Variants in KMT2E observed in about 807,000 individuals in gnomAD.
KMT2E encodes histone reader KMT2E.
In KMT2E, 30 loss-of-function variants were observed where a neutral mutation model predicts 184.6. The observed-to-expected ratio is 0.16, with a 90% CI of 0.12 to 0.22. The LOEUF is 0.22. Ranked by LOEUF, KMT2E falls within the 10% of genes least tolerant of loss-of-function variation. The pLI, the probability that KMT2E is intolerant of heterozygous loss-of-function variation, is 1.00. For missense variants in KMT2E, 2,023 were observed against 2,237.4 expected, an observed-to-expected ratio of 0.90 and a Z score of 1.93; for synonymous variants, 815 against 776.5, an observed-to-expected ratio of 1.05 and a Z score of -0.82.
intron 13 of KMT2E, chr7:105,089,382 A>G: frequency 3.3e-6 from 1 of 301,218 alleles, no homozygotes; most frequent in South Asian, 2.5e-5. Context: ...TATTTTTAGT[A>G]GAGACGGGGT....
chr7:105,101,136 G>C (rs1195587962), intron 15 of KMT2E, among the ~76,000 whole-genome samples: 1 of 152,012 alleles, frequency 6.6e-6, no homozygotes, highest in East Asian at 1.9e-4. Context: ...GGTAAAACAA[G>C]GTAATTTTTG....
intron 15 of KMT2E, among the ~76,000 whole-genome samples, chr7:105,098,325 C>T (rs746644488): frequency 8.6e-5 from 13 of 151,532 alleles, no homozygotes; most frequent in Non-Finnish European, 1.6e-4. Flanking sequence ...CTGCAGCCTC[C>T]AACTCCTGGA....
rs561958152 is a variant in KMT2E, at chr7:105,016,658, A to T, written c.-189+2123A>T. Among the ~76,000 whole-genome samples, 7 of 152,304 alleles carry T rather than the reference A, an allele frequency of 4.6e-5. No individual in the cohort carries two copies. In the South Asian group the frequency reaches 1.5e-3, roughly 32 times the overall value. On this transcript the variant is annotated intron_variant, in intron 1 of 26. Transcript: ENST00000311117. ...TTTTTGGGTTGAACTAAGCAGTGAG[A>T]TGTGAGTGGGCCATTAATGACATTT... is the stretch of plus-strand genomic sequence containing the variant.
intron 3 of KMT2E, among the ~76,000 whole-genome samples, chr7:105,049,443 C>CA (rs772840459): frequency 0.013 from 1,687 of 126,660 alleles, 15 homozygotes; most frequent in African/African-American, 0.021. Flanking sequence ...GACCTTGTCT[C>CA]AAAAAAAAAA....
chr7:105,109,321 G>C, intron 23 of KMT2E, 93 bp downstream of exon 23: 1 of 1,259,056 alleles, frequency 7.9e-7, no homozygotes, highest in Non-Finnish European at 1.1e-6. Context: ...TAAGCTGATA[G>C]TGCTTCGTGG....
At chr7:105,054,530 A>G (rs939253754) in intron 3 of KMT2E, among the ~76,000 whole-genome samples, 1 of 150,026 alleles carries the variant, frequency 6.7e-6, no homozygotes, top group African/African-American at 2.5e-5. Flanking sequence ...CTGTCTGTCT[A>G]TTTGAGATGG....
At chr7:105,061,845 C>CT (rs1796826743) in intron 3 of KMT2E, 1 of 199,530 alleles carries the variant, frequency 5.0e-6, no homozygotes, top group South Asian at 1.4e-4. Flanking sequence ...TCTACTACTT[C>CT]TTTGCACCCC....
At chr7:105,107,958 T>A (rs1449658336) in intron 22 of KMT2E, 33 bp downstream of exon 22, 17 of 1,418,188 alleles carry the variant, frequency 1.2e-5, no homozygotes, top group South Asian at 7.3e-5. Context: ...GTCCTTTTAA[T>A]AGTTTTTTTT....
At chr7:105,073,050 G>GT (rs970337186) in intron 6 of KMT2E, among the ~76,000 whole-genome samples, 205 of 145,558 alleles carry the variant, frequency 1.4e-3, no homozygotes, top group East Asian at 3.8e-3. Context: ...AACATTATGG[G>GT]TTTTTTTTTT....
chr7:105,092,884 A>C (rs1224121947), intron 15 of KMT2E, among the ~76,000 whole-genome samples: 2 of 151,980 alleles, frequency 1.3e-5, no homozygotes, highest in African/African-American at 4.8e-5. Flanking sequence ...ACCACTTTGG[A>C]GAAAAAATGA....
chr7:105,035,553 A>G (rs1296025971), intron 1 of KMT2E, among the ~76,000 whole-genome samples: 1 of 150,274 alleles, frequency 6.7e-6, no homozygotes, highest in African/African-American at 2.5e-5. Context: ...TTGTTCCTTT[A>G]TATTGCTGAG....
At chr7:105,043,330 G>A (rs1584718097) in intron 3 of KMT2E, among the ~76,000 whole-genome samples, 3 of 148,598 alleles carry the variant, frequency 2.0e-5, no homozygotes, top group South Asian at 2.1e-4. Context: ...TCCGCCTCCC[G>A]GGTTCATGCC....
In KMT2E at chr7:105,093,124, G is replaced by C. The variant is rs549693755; in HGVS notation, c.1722+1810G>C. ...GCGGGAGGATCACTTGAGTCTAGGA[G>C]GTCAAGGCTGCACTGAGCTGTGATC... On this transcript the variant is annotated intron_variant, in intron 15 of 26. Coordinates refer to ENST00000311117, the MANE Select transcript of KMT2E (RefSeq NM_182931.3). Among the ~76,000 whole-genome samples the C allele has an allele frequency of 2.6e-5, 4 of 152,280 alleles. No homozygotes were observed. The East Asian group carries it at 7.7e-4, about 29-fold the overall frequency.
chr7:105,080,418 A>G (rs769594216), intron 12 of KMT2E, among the ~76,000 whole-genome samples: 27 of 151,572 alleles, frequency 1.8e-4, no homozygotes, highest in Non-Finnish European at 2.4e-4. Context: ...TCTTTTTTTA[A>G]AAGACAGGAT....
In KMT2E at chr7:105,031,135, T is replaced by A. The variant is rs537176166; in HGVS notation, c.-188-6991T>A. Among the ~76,000 whole-genome samples the A allele has an allele frequency of 5.9e-5, 9 of 151,698 alleles. No homozygotes were observed. In the South Asian group the frequency reaches 1.9e-3, roughly 32 times the overall value. On this transcript the variant is annotated intron_variant, in intron 1 of 26. Coordinates refer to ENST00000311117, the MANE Select transcript of KMT2E (RefSeq NM_182931.3). ...ACCTTGGGAGGCCAAGGTGGGTGGA[T>A]CACTTGAGGTCAGGAGATCGAAAAC...
chr7:105,023,159 A>G (rs1357993911), intron 1 of KMT2E, among the ~76,000 whole-genome samples: 1 of 152,070 alleles, frequency 6.6e-6, no homozygotes, highest in Admixed American at 6.6e-5. Flanking sequence ...CCAGCAGCTT[A>G]ATTTCTAAGG....
intron 13 of KMT2E, 151 bp from the exon 14 acceptor site, chr7:105,089,858 A>C: frequency 9.1e-7 from 1 of 1,100,100 alleles, no homozygotes; most frequent in Non-Finnish European, 1.3e-6. Flanking sequence ...TTTTTGTGGT[A>C]GTTAACTAGG....
chr7:105,114,858 T>C lies in KMT2E; in HGVS notation c.*1525T>C, dbSNP rs1799539497. On this transcript the variant is annotated 3_prime_UTR_variant, in exon 27 of 27. Coordinates refer to ENST00000311117, the MANE Select transcript of KMT2E (RefSeq NM_182931.3). ...CAGCTTCAAATTTTAGAAGAACATA[T>C]AGGCCAAGTTTGCCATCCTCAATTT... Among the ~76,000 whole-genome samples, 2 of 152,218 alleles carry C rather than the reference T, an allele frequency of 1.3e-5. No homozygotes were observed. Among genetic ancestry groups the C allele is most frequent in the South Asian group, 2.1e-4 (1 of 4,834 alleles).
At chr7:105,107,041 T>C (rs1798930297) in intron 20 of KMT2E, 125 bp from the exon 21 acceptor site, 2 of 661,616 alleles carry the variant, frequency 3.0e-6, no homozygotes, top group African/African-American at 1.8e-5. Flanking sequence ...GGAATGGAAA[T>C]AAACAGGAAA....
Sources: allele counts gnomAD v4.1 joint callset (sites outside exome capture counted in the v4.1 genomes callset), GRCh38; gene constraint gnomAD v4.1.1; transcripts MANE v1.5; gene names NCBI Gene and HGNC (gene_info 2026-07-23, HGNC 2026-07-21).